Variants in HIVEP3 observed in about 807,000 individuals in gnomAD.
HIVEP3 encodes the protein transcription factor HIVEP3.
In HIVEP3, 49 loss-of-function variants were observed where a neutral mutation model predicts 152.8. That is an observed-to-expected ratio of 0.32 (90% CI 0.26 to 0.41). The LOEUF (loss-of-function observed/expected upper bound fraction) is 0.41. Among genes scored for constraint, HIVEP3 ranks in the 10% least tolerant of loss-of-function variants. The probability of loss-of-function intolerance (pLI) is 1.00; values close to 1 mark genes in which losing one functional copy is unlikely to be tolerated. For missense variants in HIVEP3, 2,790 were observed against 3,103.3 expected (o/e 0.90, Z 2.40); for synonymous variants, 1,269 against 1,289.0 (o/e 0.98, Z 0.33).
intron 2 of HIVEP3, among the ~76,000 whole-genome samples, chr1:41,670,632 C>A (rs917623785): frequency 3.3e-5 from 5 of 152,140 alleles, no homozygotes; most frequent in Admixed American, 6.5e-5. Flanking sequence ...ACTATGGCAA[C>A]AAGGCAGAAC....
intron 1 of HIVEP3, among the ~76,000 whole-genome samples, chr1:41,840,896 T>C (rs927917690): frequency 6.6e-6 from 1 of 152,182 alleles, no homozygotes; most frequent in Non-Finnish European, 1.5e-5. Context: ...TTTAAAACAA[T>C]ATCAGAAGGG....
chr1:42,017,480 C>A (rs563029202), intron 1 of HIVEP3, among the ~76,000 whole-genome samples: 6 of 152,222 alleles, frequency 3.9e-5, no homozygotes, highest in Non-Finnish European at 7.4e-5. Flanking sequence ...GTCATTACCA[C>A]CCCCAGGTAA....
intron 1 of HIVEP3, among the ~76,000 whole-genome samples, chr1:41,953,687 C>T (rs1176006250): frequency 1.3e-5 from 2 of 152,036 alleles, no homozygotes; most frequent in African/African-American, 4.8e-5. Context: ...CAAATCTTCC[C>T]GACATACTCT....
intron 1 of HIVEP3, among the ~76,000 whole-genome samples, chr1:41,829,467 C>A (rs377434582): frequency 6.6e-6 from 1 of 152,098 alleles, no homozygotes; most frequent in Admixed American, 6.5e-5. Context: ...TCCAGACCAG[C>A]GGCCATTAGA....
chr1:41,783,676 T>G (rs1169152157), intron 1 of HIVEP3, among the ~76,000 whole-genome samples: 1 of 152,184 alleles, frequency 6.6e-6, no homozygotes, highest in Non-Finnish European at 1.5e-5. Context: ...CAGCTTTATT[T>G]TATACATACA....
At chr1:41,933,332 T>C (rs185911623) in intron 1 of HIVEP3, among the ~76,000 whole-genome samples, 1 of 152,244 alleles carries the variant, frequency 6.6e-6, no homozygotes, top group Non-Finnish European at 1.5e-5. Flanking sequence ...GCATCATGTA[T>C]TTTGAAACTC....
At position 41,580,289 on chromosome 1, in the gene HIVEP3, G is replaced by A; in HGVS notation, c.4509C>T (p.Ser1503=). 6.2e-7 allele frequency: 1 copy of A among 1,614,116 alleles called. No homozygotes were observed. Among genetic ancestry groups the A allele is most frequent in the African/African-American group, 1.3e-5 (1 of 75,062 alleles). ...TTTCCTTTGTGTCAGATGGATCTGA[G>A]GACAGGCTGGACAGCATTTCTAGCT... The part of the protein sequence containing the change: ...RRELEMLSSL[S]SDPSDTKEIP... Residue 1503 remains serine, a synonymous_variant, in exon 4 of 9, where the codon TCC becomes TCT. Transcript: ENST00000372583.
intron 1 of HIVEP3, among the ~76,000 whole-genome samples, chr1:41,822,288 A>T (rs537237939): frequency 5.9e-5 from 9 of 152,328 alleles, no homozygotes; most frequent in Admixed American, 2.0e-4. Context: ...CAGTAGTATA[A>T]GCCACGAGGT....
At chr1:41,561,546 A>C (rs1311689674) in intron 5 of HIVEP3, among the ~76,000 whole-genome samples, 1 of 151,244 alleles carries the variant, frequency 6.6e-6, no homozygotes, top group African/African-American at 2.4e-5. Flanking sequence ...ACAGGGTATC[A>C]CTGTCACCCA....
At chr1:41,736,430 T>C (rs1646920894) in intron 1 of HIVEP3, among the ~76,000 whole-genome samples, 1 of 152,190 alleles carries the variant, frequency 6.6e-6, no homozygotes, top group African/African-American at 2.4e-5. Context: ...CTGACAAGGC[T>C]TCCTGGCTTT....
At chr1:41,801,108 G>A (rs944408296) in intron 1 of HIVEP3, among the ~76,000 whole-genome samples, 7 of 152,322 alleles carry the variant, frequency 4.6e-5, no homozygotes, top group African/African-American at 1.7e-4. Flanking sequence ...CAGTGTAACC[G>A]TGGGCTTATT....
At chr1:41,669,054 A>G (rs1645836562) in intron 2 of HIVEP3, among the ~76,000 whole-genome samples, 1 of 152,144 alleles carries the variant, frequency 6.6e-6, no homozygotes, top group Admixed American at 6.5e-5. Context: ...CCAGTCAGCC[A>G]TGTACCTTCC....
chr1:41,628,023 C>A (rs1033866906), intron 3 of HIVEP3, among the ~76,000 whole-genome samples: 2 of 152,186 alleles, frequency 1.3e-5, no homozygotes, highest in Non-Finnish European at 2.9e-5. Flanking sequence ...TCTAACACTG[C>A]ACACCTAACC....
chr1:41,541,098 A>T (rs1569822812), intron 5 of HIVEP3, among the ~76,000 whole-genome samples: 1 of 152,308 alleles, frequency 6.6e-6, no homozygotes, highest in East Asian at 1.9e-4. Flanking sequence ...GTGTTGATGC[A>T]TCAGACTGCC....
chr1:41,770,463 G>A (rs1203425104), intron 1 of HIVEP3, among the ~76,000 whole-genome samples: 1 of 152,134 alleles, frequency 6.6e-6, no homozygotes, highest in African/African-American at 2.4e-5. Flanking sequence ...ACAGATTATG[G>A]AGAGGGGACA....
intron 7 of HIVEP3, among the ~76,000 whole-genome samples, chr1:41,515,991 A>G (rs1642593536): frequency 2.0e-5 from 3 of 152,192 alleles, no homozygotes; most frequent in Admixed American, 2.0e-4. Context: ...GCGTCTCCTG[A>G]TGTCCAGCAG....
chr1:41,899,156 G>C (rs1319999445), intron 1 of HIVEP3, among the ~76,000 whole-genome samples: 1 of 152,200 alleles, frequency 6.6e-6, no homozygotes, highest in African/African-American at 2.4e-5. Context: ...GTTATGTCCA[G>C]GAAATGTATC....
chr1:41,562,532 C>CCTT (rs1644082489), intron 5 of HIVEP3, among the ~76,000 whole-genome samples: 1 of 141,788 alleles, frequency 7.1e-6, no homozygotes, highest in Admixed American at 7.0e-5. Flanking sequence ...CCCTTCCCTT[C>CCTT]CCTTCCTTCC....
chr1:41,926,618 T>C (rs1644969471), intron 1 of HIVEP3, among the ~76,000 whole-genome samples: 1 of 152,122 alleles, frequency 6.6e-6, no homozygotes, highest in African/African-American at 2.4e-5. Flanking sequence ...GATGAGCAGT[T>C]ATGGAGAGCT....
Sources: allele counts gnomAD v4.1 joint callset (sites outside exome capture counted in the v4.1 genomes callset), GRCh38; gene constraint gnomAD v4.1.1; transcripts MANE v1.5; gene names NCBI Gene and HGNC (gene_info 2026-07-23, HGNC 2026-07-21).